CACNA2D3: variants seen among roughly 807,000 people sequenced by gnomAD.
The protein encoded by CACNA2D3 is calcium voltage-gated channel auxiliary subunit alpha2delta 3.
In CACNA2D3, 60 loss-of-function variants were observed where a neutral mutation model predicts 160.6. That is an observed-to-expected ratio of 0.37 (90% CI 0.30 to 0.46). The LOEUF is 0.46. CACNA2D3 is among the 20% of genes least tolerant of loss of function. CACNA2D3 has a pLI of 1.00. For missense variants in CACNA2D3, 1,205 were observed against 1,365.0 expected (o/e 0.88, Z 1.85); for synonymous variants, 558 against 492.9 (o/e 1.13, Z -1.75).
At chr3:54,646,130 C>CCTTT (rs1699633589) in intron 11 of CACNA2D3, among the ~76,000 whole-genome samples, 2 of 24,364 alleles carry the variant, frequency 8.2e-5, no homozygotes, top group Non-Finnish European at 2.3e-4. Context: ...TTCCTTTCTT[C>CCTTT]CTTCCTTCCT....
intron 2 of CACNA2D3, among the ~76,000 whole-genome samples, chr3:54,246,487 G>T (rs1054147555): frequency 6.6e-6 from 1 of 152,168 alleles, no homozygotes; most frequent in East Asian, 1.9e-4. Context: ...GAGGTCAGGA[G>T]GTCAAGACCA....
intron 5 of CACNA2D3, among the ~76,000 whole-genome samples, chr3:54,554,870 C>T (rs202006407): frequency 7.0e-4 from 67 of 96,132 alleles, no homozygotes; most frequent in African/African-American, 2.5e-3. Context: ...CTCTCACTCT[C>T]TTTTTTTTTT....
At chr3:54,816,991 GAAAC>G in intron 14 of CACNA2D3, 121 bp downstream of exon 14, 1 of 1,171,434 alleles carries the variant, frequency 8.5e-7, no homozygotes, top group Non-Finnish European at 1.2e-6. Flanking sequence ...CACAGCTTCA[GAAAC>G]CTGAAGTTGG....
At chr3:54,438,062 A>G (rs572559231) in intron 4 of CACNA2D3, among the ~76,000 whole-genome samples, 1 of 152,334 alleles carries the variant, frequency 6.6e-6, no homozygotes, top group African/African-American at 2.4e-5. Flanking sequence ...TTATAAAAAA[A>G]ACTAAAGTTT....
chr3:54,758,901 AG>A (rs1188392906), intron 12 of CACNA2D3, among the ~76,000 whole-genome samples: 1 of 152,216 alleles, frequency 6.6e-6, no homozygotes. Context: ...GTAGACAGCT[AG>A]GATCTGCCCA....
intron 2 of CACNA2D3, among the ~76,000 whole-genome samples, chr3:54,233,229 G>A (rs1043685363): frequency 6.6e-6 from 1 of 152,160 alleles, no homozygotes; most frequent in Non-Finnish European, 1.5e-5. Context: ...TGTGCTAACA[G>A]GGGCTTAGTC....
intron 10 of CACNA2D3, among the ~76,000 whole-genome samples, chr3:54,637,325 A>T (rs1324731017): frequency 1.3e-5 from 2 of 151,750 alleles, no homozygotes; most frequent in Non-Finnish European, 2.9e-5. Context: ...CGTATCTTAT[A>T]CTTGTGGGTT....
At chr3:54,572,659 G>C (rs1026397533) in intron 8 of CACNA2D3, among the ~76,000 whole-genome samples, 1 of 152,164 alleles carries the variant, frequency 6.6e-6, no homozygotes, top group Admixed American at 6.5e-5. Flanking sequence ...ATAGTTCTTT[G>C]GAAGAAGACT....
chr3:54,870,518 C>G (rs1056870876), intron 17 of CACNA2D3, among the ~76,000 whole-genome samples: 6 of 152,160 alleles, frequency 3.9e-5, no homozygotes, highest in African/African-American at 1.4e-4. Context: ...TAGCCTGCAG[C>G]AGAGGGCAGA....
chr3:54,662,218 C>G (rs2106883170), intron 11 of CACNA2D3, among the ~76,000 whole-genome samples: 1 of 152,108 alleles, frequency 6.6e-6, no homozygotes, highest in South Asian at 2.1e-4. Context: ...GGCGAGGGTG[C>G]TGGGAGCCTC....
At chr3:54,657,658 T>C (rs1200700543) in intron 11 of CACNA2D3, among the ~76,000 whole-genome samples, 5 of 152,228 alleles carry the variant, frequency 3.3e-5, no homozygotes, top group Admixed American at 2.6e-4. Flanking sequence ...TATTTCACTT[T>C]GCATAATGTC....
intron 2 of CACNA2D3, among the ~76,000 whole-genome samples, chr3:54,141,078 TGTGTGTGTGCGCGCGCGCGC>T (rs1489767693): frequency 2.5e-5 from 3 of 121,276 alleles, no homozygotes; most frequent in Admixed American, 8.5e-5. Flanking sequence ...TGTGTGTGTG[TGTGTGTGTGCGCGCGCGCGC>T]GTGTGTGCAT....
chr3:54,301,471 A>C (rs1186199550), intron 2 of CACNA2D3, among the ~76,000 whole-genome samples: 1 of 152,210 alleles, frequency 6.6e-6, no homozygotes, highest in Admixed American at 6.5e-5. Flanking sequence ...CTCAAAAAAA[A>C]TAAGTACAAT....
chr3:54,573,911 C>T (rs1196803363), intron 8 of CACNA2D3, among the ~76,000 whole-genome samples: 1 of 152,096 alleles, frequency 6.6e-6, no homozygotes, highest in Non-Finnish European at 1.5e-5. Flanking sequence ...GACATAATTG[C>T]TCTAGTAATA....
intron 2 of CACNA2D3, among the ~76,000 whole-genome samples, chr3:54,183,885 C>A (rs75825749): frequency 2.2e-5 from 1 of 45,290 alleles, no homozygotes. Context: ...AACTCCGTCT[C>A]AAAAAAGAAA....
chr3:54,784,373 G>A (rs28631972), intron 13 of CACNA2D3, among the ~76,000 whole-genome samples: 2,848 of 152,164 alleles, frequency 0.019, 78 homozygotes, highest in African/African-American at 0.065. Context: ...CCTTGCCTCT[G>A]GTCTGAACTT....
At chr3:54,833,246 G>C (rs1158982933) in intron 14 of CACNA2D3, among the ~76,000 whole-genome samples, 1 of 152,194 alleles carries the variant, frequency 6.6e-6, no homozygotes, top group Non-Finnish European at 1.5e-5. Context: ...GTATACAACA[G>C]AGCACCACAA....
intron 2 of CACNA2D3, among the ~76,000 whole-genome samples, chr3:54,165,029 G>A (rs1444074889): frequency 6.6e-6 from 1 of 151,810 alleles, no homozygotes; most frequent in East Asian, 1.9e-4. Flanking sequence ...AAGAGAAGCA[G>A]CCAGAAAAGC....
At chr3:54,572,305 G>A (rs2106723632) in intron 8 of CACNA2D3, among the ~76,000 whole-genome samples, 1 of 152,344 alleles carries the variant, frequency 6.6e-6, no homozygotes, top group South Asian at 2.1e-4. Context: ...ATTCATGGAT[G>A]TATCCCCAGC....
Sources: allele counts gnomAD v4.1 joint callset (sites outside exome capture counted in the v4.1 genomes callset), GRCh38; gene constraint gnomAD v4.1.1; transcripts MANE v1.5; gene names NCBI Gene and HGNC (gene_info 2026-07-23, HGNC 2026-07-21).